The following PPARGC1A variants were observed in gnomAD, a reference collection of about 807,000 sequenced individuals.
The protein encoded by PPARGC1A is PPARG coactivator 1 alpha, also known as peroxisome proliferator-activated receptor gamma coactivator 1-alpha.
A neutral mutation model predicts 88.7 loss-of-function variants in PPARGC1A; 25 were observed. That is an observed-to-expected ratio of 0.28 (90% CI 0.21 to 0.39). The LOEUF is 0.39. Ranked by LOEUF, PPARGC1A falls within the 10% of genes least tolerant of loss-of-function variation. PPARGC1A has a pLI of 1.00. For missense variants in PPARGC1A, 880 were observed against 968.7 expected (o/e 0.91, Z 1.22); for synonymous variants, 363 against 355.6 (o/e 1.02, Z -0.24).
chr4:23,907,597 C>G (rs1720198223), upstream of PPARGC1A, among the ~76,000 whole-genome samples: 1 of 152,100 alleles, frequency 6.6e-6, no homozygotes, highest in Non-Finnish European at 1.5e-5. Context: ...ATTTTTCCAT[C>G]TCGAAAATGG....
chr4:24,276,095 A>T, the PPARGC1A span, among the ~76,000 whole-genome samples: 1 of 152,340 alleles, frequency 6.6e-6, no homozygotes, highest in South Asian at 2.1e-4. Context: ...CAGAGGGAGG[A>T]CTTAATGAAA....
the PPARGC1A span, among the ~76,000 whole-genome samples, chr4:24,222,373 C>T: frequency 6.6e-6 from 1 of 152,230 alleles, no homozygotes; most frequent in African/African-American, 2.4e-5. Context: ...AATACATCAA[C>T]TTCTCTGTGC....
chr4:24,096,292 A>G, the PPARGC1A span, among the ~76,000 whole-genome samples: 2 of 152,062 alleles, frequency 1.3e-5, no homozygotes, highest in Admixed American at 1.3e-4. Context: ...AGTCAATTAA[A>G]CCTCTTTTCT....
the PPARGC1A span, among the ~76,000 whole-genome samples, chr4:23,956,983 G>A: frequency 6.6e-6 from 1 of 152,076 alleles, no homozygotes. Flanking sequence ...AGCTTCAATT[G>A]CACCAAGTTA....
At chr4:23,905,888 G>C (rs548201045), upstream of PPARGC1A, among the ~76,000 whole-genome samples, 1 of 152,120 alleles carries the variant, frequency 6.6e-6, no homozygotes, top group Non-Finnish European at 1.5e-5. Flanking sequence ...CCCAACAGTC[G>C]CATAACTTAG....
chr4:24,341,363 T>A, the PPARGC1A span, among the ~76,000 whole-genome samples: 1,222 of 152,236 alleles, frequency 8.0e-3, 5 homozygotes, highest in South Asian at 0.026. Flanking sequence ...CAATACTAAG[T>A]TGATCCTTTT....
the PPARGC1A span, among the ~76,000 whole-genome samples, chr4:24,179,440 T>C: frequency 1.3e-5 from 2 of 152,150 alleles, no homozygotes; most frequent in Non-Finnish European, 1.5e-5. Flanking sequence ...GCAGTATTGT[T>C]GCCAGTTCTG....
chr4:24,033,963 G>A, the PPARGC1A span, among the ~76,000 whole-genome samples: 1 of 152,194 alleles, frequency 6.6e-6, no homozygotes, highest in Non-Finnish European at 1.5e-5. Context: ...TGGCTCAGAA[G>A]CCTCAGGAAT....
chr4:24,129,838 C>T, the PPARGC1A span, among the ~76,000 whole-genome samples: 2 of 152,148 alleles, frequency 1.3e-5, no homozygotes, highest in Admixed American at 1.3e-4. Flanking sequence ...GAGTTCATGT[C>T]CTTTGTGGGG....
At chr4:24,220,353 C>T in the PPARGC1A span, among the ~76,000 whole-genome samples, 1 of 152,212 alleles carries the variant, frequency 6.6e-6, no homozygotes, top group Non-Finnish European at 1.5e-5. Flanking sequence ...TGCCATTCGG[C>T]CCAGCAATCC....
At chr4:24,152,797 T>G in the PPARGC1A span, among the ~76,000 whole-genome samples, 1 of 152,230 alleles carries the variant, frequency 6.6e-6, no homozygotes, top group Non-Finnish European at 1.5e-5. Flanking sequence ...AGTTAACTGT[T>G]GAAACTAAAA....
the PPARGC1A span, among the ~76,000 whole-genome samples, chr4:24,270,316 TC>T: frequency 1.6e-3 from 37 of 22,610 alleles, 1 homozygote; most frequent in African/African-American, 6.7e-3. Context: ...CCTCTCTCTC[TC>T]TCTCTCTCTC....
chr4:24,161,961 TACACACACACACAC>T, the PPARGC1A span, among the ~76,000 whole-genome samples: 2,424 of 133,928 alleles, frequency 0.018, 33 homozygotes, highest in Non-Finnish European at 0.023. Context: ...AATTGTGATA[TACACACACACACAC>T]ACACACACAC....
the PPARGC1A span, among the ~76,000 whole-genome samples, chr4:24,444,525 A>G: frequency 6.6e-6 from 1 of 152,234 alleles, no homozygotes; most frequent in African/African-American, 2.4e-5. Flanking sequence ...TCATTTCTAC[A>G]CCCAAAGAGC....
intron 2 of PPARGC1A, among the ~76,000 whole-genome samples, chr4:23,837,877 G>A (rs1295838145): frequency 6.6e-6 from 1 of 152,100 alleles, no homozygotes. Flanking sequence ...ATAAAACCTT[G>A]TACCTGTTTC....
the PPARGC1A span, among the ~76,000 whole-genome samples, chr4:23,943,762 A>G: frequency 6.6e-6 from 1 of 152,216 alleles, no homozygotes; most frequent in African/African-American, 2.4e-5. Context: ...AGTTAACATC[A>G]TCATAAATCT....
chr4:24,264,466 G>A, the PPARGC1A span, among the ~76,000 whole-genome samples: 1 of 152,222 alleles, frequency 6.6e-6, no homozygotes, highest in Non-Finnish European at 1.5e-5. Flanking sequence ...CTGTGCTGAA[G>A]GGCATGAGCT....
the PPARGC1A span, among the ~76,000 whole-genome samples, chr4:24,299,875 G>A: frequency 7.9e-5 from 12 of 152,142 alleles, no homozygotes; most frequent in African/African-American, 1.4e-4. Context: ...TAAAATGTTC[G>A]TATGTATATT....
the PPARGC1A span, among the ~76,000 whole-genome samples, chr4:24,233,378 T>C: frequency 6.6e-6 from 1 of 152,104 alleles, no homozygotes; most frequent in Non-Finnish European, 1.5e-5. Context: ...TCTCTCTCTT[T>C]TCTCATCTTC....
Sources: gnomAD v4.1 joint callset for allele counts (sites outside exome capture counted in the v4.1 genomes callset) on GRCh38, gnomAD v4.1.1 for gene constraint, MANE v1.5 for transcripts, NCBI Gene and HGNC (gene_info 2026-07-23, HGNC 2026-07-21) for gene names.